The following PCDH9 variants were observed in gnomAD, a reference collection of about 807,000 sequenced individuals.
The protein encoded by PCDH9 is protocadherin-9.
In PCDH9, 24 loss-of-function variants were observed where a neutral mutation model predicts 70.6. The ratio of observed to expected loss-of-function variants is 0.34; its 90% CI spans 0.25 to 0.48. The LOEUF is 0.48. Ranked by LOEUF, PCDH9 falls within the 20% of genes least tolerant of loss-of-function variation. The pLI, the probability that PCDH9 is intolerant of heterozygous loss-of-function variation, is 0.99. For synonymous variants in PCDH9, 562 were observed against 558.5 expected, an observed-to-expected ratio of 1.01 and a Z score of -0.09; for missense variants, 1,281 against 1,503.6, an observed-to-expected ratio of 0.85 and a Z score of 2.45.
At chr13:67,129,187 T>C (rs1205832995) in intron 2 of PCDH9, among the ~76,000 whole-genome samples, 1 of 152,110 alleles carries the variant, frequency 6.6e-6, no homozygotes, top group East Asian at 1.9e-4. Context: ...AGAAGGTATA[T>C]CATAGCTAAT....
intron 2 of PCDH9, among the ~76,000 whole-genome samples, chr13:67,020,357 C>G (rs571311164): frequency 6.6e-6 from 1 of 152,106 alleles, no homozygotes; most frequent in African/African-American, 2.4e-5. Context: ...ATCTGCAGTA[C>G]GTGAAGAGTC....
At chr13:66,507,122 CT>C (rs75252106) in intron 4 of PCDH9, among the ~76,000 whole-genome samples, 33,253 of 152,082 alleles carry the variant, frequency 0.22, 4,008 homozygotes, top group South Asian at 0.34. Flanking sequence ...GAATCACCAA[CT>C]TTTCCCCCTG....
At chr13:66,943,646 C>G (rs1370716244) in intron 2 of PCDH9, among the ~76,000 whole-genome samples, 2 of 151,902 alleles carry the variant, frequency 1.3e-5, no homozygotes, top group East Asian at 3.9e-4. Context: ...TCTGGAGACT[C>G]CTGGAGATTG....
At chr13:67,121,391 T>C (rs1008176659) in intron 2 of PCDH9, among the ~76,000 whole-genome samples, 8 of 152,294 alleles carry the variant, frequency 5.3e-5, no homozygotes, top group Admixed American at 2.6e-4. Context: ...TGTATTGGGA[T>C]TGGGGAAATC....
intron 4 of PCDH9, among the ~76,000 whole-genome samples, chr13:66,382,433 A>G (rs1453944824): frequency 6.6e-6 from 1 of 152,056 alleles, no homozygotes; most frequent in East Asian, 1.9e-4. Flanking sequence ...TGAAAAAAAA[A>G]AAGTGTCCTA....
chr13:66,750,918 C>T (rs2079447527), intron 3 of PCDH9, among the ~76,000 whole-genome samples: 2 of 152,038 alleles, frequency 1.3e-5, no homozygotes, highest in African/African-American at 4.8e-5. Flanking sequence ...TAGTGTATAG[C>T]ATTTTTGTAA....
At chr13:66,896,460 TAA>T (rs1195679684) in intron 3 of PCDH9, among the ~76,000 whole-genome samples, 1 of 152,056 alleles carries the variant, frequency 6.6e-6, no homozygotes, top group African/African-American at 2.4e-5. Flanking sequence ...AAAATAATAA[TAA>T]GAGGCTATTA....
At chr13:66,332,726 T>C (rs1363037878) in intron 4 of PCDH9, among the ~76,000 whole-genome samples, 2 of 151,952 alleles carry the variant, frequency 1.3e-5, no homozygotes, top group Non-Finnish European at 2.9e-5. Context: ...AAGGACATTC[T>C]GGGCAACAGG....
chr13:66,900,029 G>C (rs1423619410), intron 3 of PCDH9, among the ~76,000 whole-genome samples: 3 of 151,956 alleles, frequency 2.0e-5, no homozygotes, highest in Non-Finnish European at 4.4e-5. Flanking sequence ...CTGAGAGGTA[G>C]GGCAAGCTAC....
chr13:66,984,142 T>C (rs1266287936), intron 2 of PCDH9, among the ~76,000 whole-genome samples: 1 of 152,120 alleles, frequency 6.6e-6, no homozygotes, highest in African/African-American at 2.4e-5. Context: ...GTAAATGAAA[T>C]TGTAACTTTA....
intron 4 of PCDH9, among the ~76,000 whole-genome samples, chr13:66,307,398 G>C (rs953834831): frequency 9.9e-5 from 15 of 152,050 alleles, no homozygotes; most frequent in East Asian, 7.7e-4. Context: ...CTTAAAGGCA[G>C]ACCTAAAGTA....
chr13:66,865,073 G>A (rs1430940496), intron 3 of PCDH9, among the ~76,000 whole-genome samples: 1 of 152,152 alleles, frequency 6.6e-6, no homozygotes, highest in Non-Finnish European at 1.5e-5. Context: ...CCCTAAAACA[G>A]AATCTTCATA....
intron 3 of PCDH9, among the ~76,000 whole-genome samples, chr13:66,846,974 T>C (rs574501461): frequency 6.6e-6 from 1 of 152,134 alleles, no homozygotes; most frequent in Admixed American, 6.5e-5. Context: ...TATTAAAAGC[T>C]GATTTCAAAA....
chr13:66,478,962 G>A lies in PCDH9; in HGVS notation c.3340+152248C>T, dbSNP rs118014550. On this transcript the variant is annotated intron_variant, in intron 4 of 4. Transcript: ENST00000377865. ...GAACTTGTATAGTTAGAAAGGAGAAGTCAATGCCTGGGTTCAAAGCATCAA... is the reference window on the plus strand; with the variant it reads ...GAACTTGTATAGTTAGAAAGGAGAAATCAATGCCTGGGTTCAAAGCATCAA... Among the ~76,000 whole-genome samples the A allele has an allele frequency of 4.5e-3, 692 of 152,286 alleles. 29 individuals carry two copies. In the East Asian group the frequency reaches 0.088, roughly 19 times the overall value.
intron 2 of PCDH9, among the ~76,000 whole-genome samples, chr13:67,183,050 T>C (rs1455812572): frequency 1.3e-5 from 2 of 152,208 alleles, no homozygotes; most frequent in African/African-American, 4.8e-5. Context: ...TAAGGATTTC[T>C]ATGACTGTTA....
At chr13:66,336,988 G>A (rs1349495405) in intron 4 of PCDH9, among the ~76,000 whole-genome samples, 3 of 151,852 alleles carry the variant, frequency 2.0e-5, no homozygotes, top group Non-Finnish European at 4.4e-5. Context: ...TAAATAATTA[G>A]ACAATTTTGT....
At chr13:66,910,870 G>C (rs2082452105) in intron 2 of PCDH9, among the ~76,000 whole-genome samples, 1 of 152,120 alleles carries the variant, frequency 6.6e-6, no homozygotes. Flanking sequence ...TAGCAACTCT[G>C]TGCATTGTCC....
At chr13:66,741,577 G>T in intron 3 of PCDH9, among the ~76,000 whole-genome samples, 1 of 10,552 alleles carries the variant, frequency 9.5e-5, no homozygotes. Flanking sequence ...CGACATGATT[G>T]TTTATCTAGA....
chr13:66,871,395 AAAAAATAAAAAT>A (rs1207637876), intron 3 of PCDH9, among the ~76,000 whole-genome samples: 1 of 148,454 alleles, frequency 6.7e-6, no homozygotes, highest in Non-Finnish European at 1.5e-5. Flanking sequence ...TAATAATAAT[AAAAAATAAAAAT>A]AAAAATAAAA....
Sources: gnomAD v4.1 joint callset for allele counts (sites outside exome capture counted in the v4.1 genomes callset) on GRCh38, gnomAD v4.1.1 for gene constraint, MANE v1.5 for transcripts, NCBI Gene and HGNC (gene_info 2026-07-23, HGNC 2026-07-21) for gene names.